PRMT8: variants seen among roughly 807,000 people sequenced by gnomAD.
PRMT8 encodes the protein protein arginine methyltransferase 8.
In PRMT8, 7 loss-of-function variants were observed where a neutral mutation model predicts 47.1. That is an observed-to-expected ratio of 0.15 (90% CI 0.08 to 0.28). The LOEUF (loss-of-function observed/expected upper bound fraction) is 0.28, where lower values mean the gene tolerates loss of function less well. PRMT8 is among the 10% of genes least tolerant of loss of function. The pLI is 1.00. For missense variants in PRMT8, 237 were observed against 505.4 expected, an observed-to-expected ratio of 0.47 and a Z score of 5.09; for synonymous variants, 188 against 186.5, an observed-to-expected ratio of 1.01 and a Z score of -0.07.
Position 3,553,721 on chromosome 12 carries a change from C to T in PRMT8, c.481+7C>T. 6.3e-7 allele frequency: 1 copy of T among 1,575,396 alleles called. No individual in the cohort carries two copies. Among genetic ancestry groups the T allele is most frequent in the Non-Finnish European group, 8.7e-7 (1 of 1,144,936 alleles). ...GCCAACCACTTGGACAACAGTAAGA[C>T]ATACCTCTGAGTGTTTTCTCCTGGA... On this transcript the variant is annotated splice_region_variant and intron_variant, in intron 4 of 9. Coordinates refer to ENST00000382622, the MANE Select transcript of PRMT8 (RefSeq NM_019854.5).
Position 3,592,255 on chromosome 12 carries a change from G to A in PRMT8, c.1004G>A (p.Trp335Ter). 1 of 1,591,630 alleles carries A rather than the reference G, an allele frequency of 6.3e-7. No individual in the cohort carries two copies. Among genetic ancestry groups the A allele is most frequent in the Non-Finnish European group, 8.5e-7 (1 of 1,170,846 alleles). ...STAPDAPYTH[W>*]KQTVFYLEDY... The stretch of plus-strand genomic sequence containing the variant: ...GCCCCTGATGCTCCCTACACCCACT[G>A]GAAGCAGACCGTCTTCTACTTGGAA... Residue 335 changes from tryptophan (W) to a stop codon, truncating the protein, a stop_gained, in exon 9 of 10, where the codon TGG becomes TAG. Transcript: ENST00000382622. LOFTEE classifies it high-confidence loss of function.
Position 3,576,475 on chromosome 12 carries a change from A to G in PRMT8, c.713-396A>G, listed in dbSNP as rs972354609. Among the ~76,000 whole-genome samples, 6 of 152,196 alleles carry G rather than the reference A, an allele frequency of 3.9e-5. No individual in the cohort carries two copies. Among genetic ancestry groups the G allele is most frequent in the Non-Finnish European group, 7.3e-5 (5 of 68,030 alleles). On this transcript the variant is annotated intron_variant, in intron 6 of 9. Transcript: ENST00000382622. This position sits in a 1 kb window ranked among gnomAD's most constrained non-coding sequence, Gnocchi z 4.0. The stretch of plus-strand genomic sequence containing the variant: ...TGTGGAGAACAGCTCGAGACAGCAT[A>G]GGAATGGGAACGTAGAAGACAGATA...
intron 1 of PRMT8, among the ~76,000 whole-genome samples, chr12:3,403,743 G>A (rs955194233): frequency 1.4e-4 from 21 of 151,926 alleles, no homozygotes; most frequent in Admixed American, 3.9e-4. Context: ...GCCAGGCGTA[G>A]TGGCACGTCT....
In PRMT8 at chr12:3,555,957, G is replaced by A. The variant is rs537556513; in HGVS notation, c.481+2243G>A. Among the ~76,000 whole-genome samples the A allele has an allele frequency of 2.6e-4, 35 of 134,422 alleles. 4 individuals are homozygous for A. Among genetic ancestry groups the A allele is most frequent in the African/African-American group, 9.1e-4 (33 of 36,230 alleles). 88.2% of individuals were successfully genotyped at this position (134,422 alleles called of 152,430 possible). ...AACTGGGTGGATGGGACCTGAGGATGCATTGAGTGTGGGGATGAGAAAAAA... is the reference window on the plus strand; with the variant it reads ...AACTGGGTGGATGGGACCTGAGGATACATTGAGTGTGGGGATGAGAAAAAA... On this transcript the variant is annotated intron_variant, in intron 4 of 9. Transcript: ENST00000382622.
intron 1 of PRMT8, among the ~76,000 whole-genome samples, chr12:3,480,552 G>T (rs1335166053): frequency 1.3e-5 from 2 of 152,034 alleles, no homozygotes; most frequent in African/African-American, 4.8e-5. Context: ...CATTTCTCAG[G>T]GGTCTTTTTC....
At chr12:3,513,061 C>T (rs556018729) in intron 1 of PRMT8, among the ~76,000 whole-genome samples, 2 of 152,118 alleles carry the variant, frequency 1.3e-5, no homozygotes, top group Admixed American at 1.3e-4. Flanking sequence ...ACTGCAACAC[C>T]GGGGATCAAA....
At chr12:3,444,779 A>G (rs1039509928) in intron 1 of PRMT8, among the ~76,000 whole-genome samples, 1 of 152,252 alleles carries the variant, frequency 6.6e-6, no homozygotes, top group Non-Finnish European at 1.5e-5. Flanking sequence ...GCCCAATGGC[A>G]AGAGTGGAAG....
intron 1 of PRMT8, among the ~76,000 whole-genome samples, chr12:3,382,051 G>T (rs1338976453): frequency 1.3e-5 from 2 of 152,194 alleles, no homozygotes; most frequent in Non-Finnish European, 2.9e-5. Context: ...AGTTTTGCCT[G>T]TTATCAATAG....
At chr12:3,551,490 G>A (rs899897693) in intron 3 of PRMT8, 8 of 152,352 alleles carry the variant, frequency 5.3e-5, no homozygotes, top group African/African-American at 1.9e-4. Flanking sequence ...TCCCAGCACC[G>A]AGGCCCCGTC....
At chr12:3,407,878 C>A (rs1864388843) in intron 1 of PRMT8, among the ~76,000 whole-genome samples, 3 of 151,636 alleles carry the variant, frequency 2.0e-5, no homozygotes, top group African/African-American at 7.3e-5. Context: ...CAAATTCTTT[C>A]TTCTGCTTGA....
At chr12:3,471,706 T>G (rs1865164451) in intron 1 of PRMT8, among the ~76,000 whole-genome samples, 1 of 151,740 alleles carries the variant, frequency 6.6e-6, no homozygotes, top group Non-Finnish European at 1.5e-5. Context: ...TCTCTCACAT[T>G]CACACTTACT....
Position 3,572,937 on chromosome 12 carries a change from T to G in PRMT8, c.712+3373T>G, listed in dbSNP as rs149197744. Among the ~76,000 whole-genome samples the G allele has an allele frequency of 6.6e-6, 1 of 152,358 alleles. No homozygotes were observed. The highest frequency in any genetic ancestry group is 2.4e-5 in the African/African-American group (1 of 41,588). On this transcript the variant is annotated intron_variant, in intron 6 of 9. Transcript: ENST00000382622. The surrounding 1 kb of genome is among the most constrained non-coding windows in gnomAD (Gnocchi z 5.9). Reference sequence around the variant, plus strand: ...GAGATTTCTGTCTTTATTGATTTTCTGCAGTTTGATTCTGATGTGTCTAGG... The same window carrying G: ...GAGATTTCTGTCTTTATTGATTTTCGGCAGTTTGATTCTGATGTGTCTAGG...
Position 3,549,957 on chromosome 12 carries a change from C to T in PRMT8, c.283C>T (p.Arg95Trp). The T allele has an allele frequency of 1.9e-6, 3 of 1,614,112 alleles. No homozygotes were observed. Among genetic ancestry groups the T allele is most frequent in the Non-Finnish European group, 2.5e-6 (3 of 1,179,988 alleles). ...IHEEMLKDEV[R>W]TLTYRNSMYH... is the part of the protein sequence containing the mutation. The stretch of plus-strand genomic sequence containing the variant: ...ACAGGAAATGCTGAAGGATGAGGTG[C>T]GGACTCTCACTTACCGGAACTCCAT... Residue 95 changes from arginine (R) to tryptophan (W), a missense_variant, in exon 3 of 10, where the codon CGG (arginine) becomes TGG (tryptophan). Physicochemically the swap from Arg to Trp is moderately radical, Grantham distance 101. Transcript: ENST00000382622.
At chr12:3,416,707 T>C (rs1430295778) in intron 1 of PRMT8, among the ~76,000 whole-genome samples, 1 of 152,284 alleles carries the variant, frequency 6.6e-6, no homozygotes, top group South Asian at 2.1e-4. Flanking sequence ...CAGAAAGACT[T>C]AGGACCCTGA....
At chr12:3,428,503 C>G (rs887383749) in intron 1 of PRMT8, among the ~76,000 whole-genome samples, 2 of 152,134 alleles carry the variant, frequency 1.3e-5, no homozygotes, top group African/African-American at 4.8e-5. Flanking sequence ...AGGTTGTCAA[C>G]GGCCTCAGTG....
At chr12:3,459,888 G>A (rs1356031200) in intron 1 of PRMT8, among the ~76,000 whole-genome samples, 2 of 152,162 alleles carry the variant, frequency 1.3e-5, no homozygotes, top group Non-Finnish European at 2.9e-5. Context: ...GATGCTCCAG[G>A]CACTACATCT....
intron 2 of PRMT8, among the ~76,000 whole-genome samples, chr12:3,548,675 TC>T (rs1159587829): frequency 6.6e-6 from 1 of 152,182 alleles, no homozygotes; most frequent in African/African-American, 2.4e-5. Flanking sequence ...AATTAAAAGA[TC>T]AGTAATGCTA....
intron 1 of PRMT8, among the ~76,000 whole-genome samples, chr12:3,437,645 T>TATATAC (rs1555079688): frequency 1.7e-4 from 24 of 140,794 alleles, no homozygotes; most frequent in African/African-American, 6.0e-4. Context: ...TATATATATA[T>TATATAC]ATATATTGCA....
intron 4 of PRMT8, 88 bp downstream of exon 4, chr12:3,553,802 C>T: frequency 7.9e-7 from 1 of 1,269,786 alleles, no homozygotes; most frequent in Non-Finnish European, 1.1e-6. Context: ...GGGAGGAGCG[C>T]AGAGCACTTG....
Sources: gnomAD v4.1 joint callset for allele counts (sites outside exome capture counted in the v4.1 genomes callset) on GRCh38, gnomAD v4.1.1 for gene constraint, Gnocchi (gnomAD v3.1) non-coding constraint, MANE v1.5 for transcripts, NCBI Gene and HGNC (gene_info 2026-07-23, HGNC 2026-07-21) for gene names.